Variants in KAZN observed in about 807,000 individuals in gnomAD.
KAZN encodes kazrin.
A neutral mutation model predicts 87.4 loss-of-function variants in KAZN; 40 were observed. The observed-to-expected ratio is 0.46, with a 90% CI of 0.36 to 0.60. KAZN has a LOEUF of 0.60. Among genes scored for constraint, KAZN ranks in the 20% least tolerant of loss-of-function variants. The pLI is 0.00. For missense variants in KAZN, 898 were observed against 1,073.9 expected, an observed-to-expected ratio of 0.84 and a Z score of 2.29; for synonymous variants, 466 against 458.3, an observed-to-expected ratio of 1.02 and a Z score of -0.22.
At chr1:14,338,505 AGAG>A (rs1372717554) in intron 2 of KAZN, among the ~76,000 whole-genome samples, 11 of 109,752 alleles carry the variant, frequency 1.0e-4, no homozygotes, top group Non-Finnish European at 1.1e-4. Flanking sequence ...AAAAAAAAAA[AGAG>A]AGAGAGAGAG....
chr1:14,586,579 G>A (rs2148572411), intron 2 of KAZN, among the ~76,000 whole-genome samples: 1 of 146,202 alleles, frequency 6.8e-6, no homozygotes, highest in East Asian at 2.0e-4. Flanking sequence ...CTCAGGTGCT[G>A]GAGTGCGGTG....
intron 1 of KAZN, among the ~76,000 whole-genome samples, chr1:14,107,203 A>G (rs1157072643): frequency 6.6e-6 from 1 of 151,438 alleles, no homozygotes; most frequent in East Asian, 1.9e-4. Flanking sequence ...GAGAGGGCTG[A>G]TGTTTCCTGG....
At chr1:13,988,656 A>G (rs182824980) in intron 1 of KAZN, among the ~76,000 whole-genome samples, 22 of 152,322 alleles carry the variant, frequency 1.4e-4, no homozygotes, top group African/African-American at 5.3e-4. Flanking sequence ...ACTGGGAAAT[A>G]CAGTCCAGCT....
intron 2 of KAZN, among the ~76,000 whole-genome samples, chr1:14,273,752 C>T (rs1652132903): frequency 6.6e-6 from 1 of 152,220 alleles, no homozygotes; most frequent in Admixed American, 6.5e-5. Context: ...TCCTTCATCT[C>T]CTCTTGGTCA....
chr1:14,486,350 T>G (rs558561117), intron 2 of KAZN, among the ~76,000 whole-genome samples: 1 of 152,308 alleles, frequency 6.6e-6, no homozygotes, highest in Admixed American at 6.5e-5. Flanking sequence ...CAAATGAAAT[T>G]ATTTTTAACA....
chr1:14,864,689 C>A (rs918713584), intron 1 of KAZN, among the ~76,000 whole-genome samples: 6 of 152,104 alleles, frequency 3.9e-5, no homozygotes, highest in Non-Finnish European at 7.4e-5. Context: ...TTTTTTTGCA[C>A]CACCCTCCAT....
intron 8 of KAZN, among the ~76,000 whole-genome samples, chr1:15,092,060 G>GTTT (rs57460680): frequency 0.017 from 1,896 of 114,326 alleles, 68 homozygotes; most frequent in East Asian, 0.17. Context: ...TTGTTTTTTT[G>GTTT]TTTTTTTTTT....
chr1:14,028,735 G>A (rs966940642), intron 1 of KAZN, among the ~76,000 whole-genome samples: 1 of 152,064 alleles, frequency 6.6e-6, no homozygotes, highest in African/African-American at 2.4e-5. Context: ...AGTTTCAAAA[G>A]GTTTGCCTTT....
chr1:15,104,173 G>C lies in KAZN; in HGVS notation c.2032G>C (p.Val678Leu), dbSNP rs545673997. Residue 678 changes from valine (V) to leucine (L), a missense_variant, in exon 13 of 15, where the codon GTC (valine) becomes CTC (leucine). Physicochemically the swap from Val to Leu is conservative, Grantham distance 32 (BLOSUM62 1). Around this residue, in one of 3 missense-constraint regions of KAZN, gnomAD observed 521 missense variants for 689.4 expected, o/e 0.76. Transcript: ENST00000376030. ...ACACCTGGCAGAGGAGATGAGCGCC[G>C]TCTTCCACCCAGCCAAGTGAGCACG... ...RRHLAEEMSA[V>L]FHPANSTGIR... 7 of 1,586,962 alleles carry C rather than the reference G, an allele frequency of 4.4e-6. No homozygotes were observed. The highest frequency in any genetic ancestry group is 6.0e-6 in the Non-Finnish European group (7 of 1,167,302).
intron 1 of KAZN, among the ~76,000 whole-genome samples, chr1:14,684,599 G>C (rs565928039): frequency 1.3e-5 from 2 of 152,292 alleles, no homozygotes; most frequent in East Asian, 3.9e-4. Context: ...CCTTCTAGAG[G>C]CTCCAGGAGA....
chr1:14,440,318 G>T (rs897429037), intron 2 of KAZN, among the ~76,000 whole-genome samples: 1 of 152,184 alleles, frequency 6.6e-6, no homozygotes, highest in Non-Finnish European at 1.5e-5. Flanking sequence ...CCAGTCCTCC[G>T]TGGGTTGATA....
chr1:15,103,530 T>G, intron 12 of KAZN, 70 bp downstream of exon 12: 3 of 926,160 alleles, frequency 3.2e-6, no homozygotes, highest in Non-Finnish European at 5.1e-6. Flanking sequence ...TATATGCAAA[T>G]CAATATGCAA....
At chr1:14,077,874 T>C (rs12408009) in intron 1 of KAZN, among the ~76,000 whole-genome samples, 16,116 of 152,058 alleles carry the variant, frequency 0.11, 997 homozygotes, top group East Asian at 0.13. Context: ...ATTGGAGTGA[T>C]GCATCTCCAA....
Position 15,034,749 on chromosome 1 carries a change from C to A in KAZN, c.419C>A (p.Ala140Asp). Residue 140 changes from alanine (A) to aspartate (D), a missense_variant and splice_region_variant, in exon 3 of 15, where the codon GCC becomes GAC. By Grantham distance (126) the Ala-to-Asp change is moderately radical (BLOSUM62 -2). This residue lies in a region of KAZN where 250 missense variants were observed against 263.0 expected (regional missense o/e 0.95). Coordinates refer to ENST00000376030, the MANE Select transcript of KAZN (RefSeq NM_201628.3). ...AACTAACTCTCTCCTTTATCCCCAG[C>A]CATGAAAGCTGATCGGAAGCGCTTA... ...ELARAKEALQ[A>D]MKADRKRLKG... 1 of 1,614,102 alleles carries A rather than the reference C, an allele frequency of 6.2e-7. No individual in the cohort carries two copies. The highest frequency in any genetic ancestry group is 8.5e-7 in the Non-Finnish European group (1 of 1,179,976).
intron 1 of KAZN, among the ~76,000 whole-genome samples, chr1:14,860,500 A>G (rs532750432): frequency 6.6e-6 from 1 of 152,272 alleles, no homozygotes; most frequent in South Asian, 2.1e-4. Flanking sequence ...CGGACAGGAT[A>G]TGCCTTTTAA....
At chr1:14,660,218 A>C (rs899356743) in intron 1 of KAZN, among the ~76,000 whole-genome samples, 1 of 152,188 alleles carries the variant, frequency 6.6e-6, no homozygotes. Context: ...CGATCTCCCC[A>C]TAACCGGGCA....
At chr1:14,329,843 A>C (rs1656717407) in intron 2 of KAZN, among the ~76,000 whole-genome samples, 1 of 152,228 alleles carries the variant, frequency 6.6e-6, no homozygotes, top group African/African-American at 2.4e-5. Flanking sequence ...TTGCTCAGTA[A>C]GTGTTGGTCC....
intron 1 of KAZN, among the ~76,000 whole-genome samples, chr1:13,918,711 C>T (rs1203441845): frequency 6.6e-6 from 1 of 152,266 alleles, no homozygotes; most frequent in Admixed American, 6.5e-5. Flanking sequence ...ATGGCCACAG[C>T]CATTCCAACC....
At chr1:14,415,293 T>C (rs948521451) in intron 2 of KAZN, among the ~76,000 whole-genome samples, 6 of 152,138 alleles carry the variant, frequency 3.9e-5, no homozygotes, top group African/African-American at 1.4e-4. Context: ...CCGGACAATA[T>C]GTAGATTAGG....
Sources: gnomAD v4.1 joint callset for allele counts (sites outside exome capture counted in the v4.1 genomes callset) on GRCh38, gnomAD v4.1.1 for gene constraint, gnomAD v4.1.1 regional missense constraint, MANE v1.5 for transcripts, NCBI Gene and HGNC (gene_info 2026-07-23, HGNC 2026-07-21) for gene names.